MGAT5B: variants seen among roughly 807,000 people sequenced by gnomAD.
MGAT5B encodes the protein alpha-1,6-mannosylglycoprotein 6-beta-N-acetylglucosaminyltransferase B.
A neutral mutation model predicts 95.1 loss-of-function variants in MGAT5B; 54 were observed. The ratio of observed to expected loss-of-function variants is 0.57; its 90% CI spans 0.46 to 0.71. MGAT5B has a LOEUF of 0.71. MGAT5B is among the 30% of genes least tolerant of loss of function. The pLI, the probability that MGAT5B is intolerant of heterozygous loss-of-function variation, is 0.00. For missense variants in MGAT5B, 935 were observed against 1,088.6 expected (o/e 0.86, Z 1.99); for synonymous variants, 464 against 451.0 (o/e 1.03, Z -0.36).
In MGAT5B at chr17:76,905,318, G is replaced by C. The variant is rs1409896410; in HGVS notation, c.840G>C (p.Gln280His). 2.5e-6 allele frequency: 4 copies of C among 1,595,634 alleles called. No individual in the cohort carries two copies. The highest frequency in any genetic ancestry group is 2.2e-5 in the South Asian group (2 of 90,298). The stretch of plus-strand genomic sequence containing the variant: ...TGGCACAGAAGCTGGGGGCCACCCA[G>C]AGGGACCAGAAGCAGGTGCGTGGCC... ...QRLAQKLGAT[Q>H]RDQKQILVHI... Residue 280 changes from glutamine (Q) to histidine (H), a missense_variant, in exon 7 of 18, where the codon CAG becomes CAC. Around this residue, in one of 4 missense-constraint regions of MGAT5B, gnomAD observed 243 missense variants for 305.5 expected, o/e 0.80. Coordinates refer to ENST00000569840, the MANE Select transcript of MGAT5B (RefSeq NM_001199172.2). The surrounding 1 kb of genome is among the most constrained non-coding windows in gnomAD (Gnocchi z 4.2).
At position 76,938,624 on chromosome 17, in the gene MGAT5B, G is replaced by C. The variant is rs1042308738; in HGVS notation, c.1584+481G>C. Among the ~76,000 whole-genome samples, 3 of 152,170 alleles carry C rather than the reference G, an allele frequency of 2.0e-5. No individual in the cohort carries two copies. The highest frequency in any genetic ancestry group is 7.2e-5 in the African/African-American group (3 of 41,426). ...TGACACAGTGGGCAAAACCCTGACTGGACCCTGGAGTATCAGCTGAGGCTG... is the reference window on the plus strand; with the variant it reads ...TGACACAGTGGGCAAAACCCTGACTCGACCCTGGAGTATCAGCTGAGGCTG... On this transcript the variant is annotated intron_variant, in intron 13 of 17. Transcript: ENST00000569840. The surrounding 1 kb of genome is among the most constrained non-coding windows in gnomAD (Gnocchi z 4.3).
In MGAT5B at chr17:76,869,323, T is replaced by C. The variant is rs1387705552; in HGVS notation, c.68+226T>C. 6.6e-6 allele frequency among the ~76,000 whole-genome samples: 1 copy of C among 151,824 alleles called. No homozygotes were observed. Among genetic ancestry groups the C allele is most frequent in the Non-Finnish European group, 1.5e-5 (1 of 67,930 alleles). ...GGGACCTGTCCCGAGTTGGGCAGGG[T>C]TGGAGAGGACTCGGGGTGCAGAGGT... is the stretch of plus-strand genomic sequence containing the variant. On this transcript the variant is annotated intron_variant, in intron 1 of 17. Coordinates refer to ENST00000569840, the MANE Select transcript of MGAT5B (RefSeq NM_001199172.2). This position sits in a 1 kb window ranked among gnomAD's most constrained non-coding sequence, Gnocchi z 7.0.
At chr17:76,902,801 G>A (rs373405500) in intron 4 of MGAT5B, 131 bp downstream of exon 4, 12 of 743,380 alleles carry the variant, frequency 1.6e-5, no homozygotes, top group Non-Finnish European at 2.0e-5. Context: ...CTGGCTCTTC[G>A]GGGCCCCAGT....
intron 12 of MGAT5B, among the ~76,000 whole-genome samples, chr17:76,935,087 T>C (rs1463955969): frequency 6.6e-6 from 1 of 152,124 alleles, no homozygotes; most frequent in Non-Finnish European, 1.5e-5. Flanking sequence ...AGGTGCTATT[T>C]TAGTAGAGTG....
intron 15 of MGAT5B, among the ~76,000 whole-genome samples, chr17:76,942,394 G>A (rs1273205800): frequency 1.3e-5 from 2 of 152,182 alleles, no homozygotes; most frequent in African/African-American, 2.4e-5. Context: ...TTAGACAGGC[G>A]TGGTGGCACA....
intron 12 of MGAT5B, among the ~76,000 whole-genome samples, chr17:76,935,502 G>A (rs565085936): frequency 1.8e-4 from 24 of 135,794 alleles, no homozygotes; most frequent in Middle Eastern, 4.0e-3. Flanking sequence ...AATTTCAGCC[G>A]TTCTAACAGG....
intron 3 of MGAT5B, among the ~76,000 whole-genome samples, chr17:76,886,958 C>T (rs1004448317): frequency 6.6e-6 from 1 of 152,122 alleles, no homozygotes; most frequent in African/African-American, 2.4e-5. Context: ...GCAGGAGAAT[C>T]GCTTGAAGCT....
Position 76,937,679 on chromosome 17 carries a change from G to A in MGAT5B, c.1429-309G>A, listed in dbSNP as rs545645675. 5.3e-5 allele frequency among the ~76,000 whole-genome samples: 8 copies of A among 152,256 alleles called. No individual in the cohort carries two copies. The South Asian group carries it at 1.7e-3, about 32-fold the overall frequency. On this transcript the variant is annotated intron_variant, in intron 12 of 17. Transcript: ENST00000569840. ...TCAGAGGAGCTTAGAGGTCATTAGG[G>A]GTTCAGCAGATGCCAAGTGGCACCA...
At chr17:76,922,283 G>A (rs1328415054) in intron 8 of MGAT5B, among the ~76,000 whole-genome samples, 1 of 152,178 alleles carries the variant, frequency 6.6e-6, no homozygotes, top group Admixed American at 6.5e-5. Context: ...AATTTTACTA[G>A]ACCCAGATTC....
chr17:76,873,487 G>C (rs1967077835), intron 2 of MGAT5B, among the ~76,000 whole-genome samples: 1 of 152,244 alleles, frequency 6.6e-6, no homozygotes, highest in African/African-American at 2.4e-5. Context: ...GTGGGTCTGG[G>C]CTTGCATCCT....
intron 3 of MGAT5B, among the ~76,000 whole-genome samples, chr17:76,901,254 C>T (rs1163826923): frequency 2.0e-5 from 3 of 152,060 alleles, no homozygotes; most frequent in Non-Finnish European, 2.9e-5. Context: ...CAGACCCGAA[C>T]GGAGCCCAGG....
chr17:76,889,975 G>A lies in MGAT5B; in HGVS notation c.329+7677G>A, dbSNP rs1339730035. ...GAATGTCCCCAGCTTTTCTGTTGAA[G>A]GCAGGGCGGGACCAGAGACCTTCAC... On this transcript the variant is annotated intron_variant, in intron 3 of 17. Transcript: ENST00000569840. The surrounding 1 kb of genome is among the most constrained non-coding windows in gnomAD (Gnocchi z 4.4). 6.6e-6 allele frequency among the ~76,000 whole-genome samples: 1 copy of A among 152,242 alleles called. No homozygotes were observed. The highest frequency in any genetic ancestry group is 1.5e-5 in the Non-Finnish European group (1 of 68,046).
chr17:76,942,166 G>C (rs1969881557), intron 15 of MGAT5B, among the ~76,000 whole-genome samples: 1 of 152,236 alleles, frequency 6.6e-6, no homozygotes, highest in Admixed American at 6.5e-5. Context: ...TCCCTTGCTA[G>C]CTCTCAACGC....
chr17:76,878,654 T>G (rs571955325), intron 2 of MGAT5B, among the ~76,000 whole-genome samples: 2 of 152,218 alleles, frequency 1.3e-5, no homozygotes, highest in South Asian at 4.2e-4. Flanking sequence ...TTTGTATTTT[T>G]TATTGAAAAG....
chr17:76,872,893 G>A lies in MGAT5B; in HGVS notation c.111G>A (p.Leu37=), dbSNP rs1372168172. ...TCGGCTTCTTCACTCTCTGCTTCCT[G>A]ATGACGTCTCTGGGAGGCCAGTTCT... The part of the protein sequence containing the change: ...LGIGFFTLCF[L]MTSLGGQFSA... Residue 37 remains leucine, a synonymous_variant, in exon 2 of 18, where the codon CTG becomes CTA. Transcript: ENST00000569840. 2 of 1,614,190 alleles carry A rather than the reference G, an allele frequency of 1.2e-6. No individual in the cohort carries two copies. Among genetic ancestry groups the A allele is most frequent in the Non-Finnish European group, 8.5e-7 (1 of 1,180,044 alleles).
chr17:76,908,251 T>C (rs1968605073), intron 8 of MGAT5B, among the ~76,000 whole-genome samples: 1 of 150,382 alleles, frequency 6.6e-6, no homozygotes, highest in South Asian at 2.1e-4. Flanking sequence ...CTTTCTTTTT[T>C]TCCTTTCTTT....
In MGAT5B at chr17:76,946,437, A is replaced by G. The variant is rs767519141; in HGVS notation, c.1910A>G (p.Tyr637Cys). ...CEGMLERIHA[Y>C]IQHQDFCRAP... Reference sequence around the variant, plus strand: ...GGGATGCTGGAGCGGATCCACGCCTACATCCAGCACCAGGTCAGTGAGCCC... The same window carrying G: ...GGGATGCTGGAGCGGATCCACGCCTGCATCCAGCACCAGGTCAGTGAGCCC... The change falls in exon 16 of 18, where the codon TAC (tyrosine) becomes TGC (cysteine). Residue 637 changes from tyrosine (Y) to cysteine (C), a missense_variant. Tyr to Cys is a radical substitution (Grantham distance 194, BLOSUM62 -2). This residue lies in a region of MGAT5B where 440 missense variants were observed against 523.6 expected (regional missense o/e 0.84). Transcript: ENST00000569840. 1.3e-6 allele frequency: 2 copies of G among 1,595,274 alleles called. No individual in the cohort carries two copies. The highest frequency in any genetic ancestry group is 8.5e-7 in the Non-Finnish European group (1 of 1,170,256).
chr17:76,938,250 C>A lies in MGAT5B; in HGVS notation c.1584+107C>A, dbSNP rs1969740588. On this transcript the variant is annotated intron_variant, in intron 13 of 17. Transcript: ENST00000569840. This position sits in a 1 kb window ranked among gnomAD's most constrained non-coding sequence, Gnocchi z 4.3. ...CAGGCCCCTTCCACATATGGACATA[C>A]CCCAGCATGCTCTGCTGCCCTGAGC... 6 of 1,399,586 alleles carry A rather than the reference C, an allele frequency of 4.3e-6. No individual in the cohort carries two copies. The highest frequency in any genetic ancestry group is 5.9e-6 in the Non-Finnish European group (6 of 1,019,474). 86.7% of individuals were successfully genotyped at this position (1,399,586 alleles called of 1,614,324 possible). A position where few individuals can be genotyped will look rare whatever the true frequency, so the allele number is the denominator to read the frequency against.
At chr17:76,921,538 G>A (rs931548428) in intron 8 of MGAT5B, among the ~76,000 whole-genome samples, 5 of 152,140 alleles carry the variant, frequency 3.3e-5, no homozygotes, top group Non-Finnish European at 5.9e-5. Flanking sequence ...AGCGGGTCCT[G>A]CATCAGGTGG....
Sources: gnomAD v4.1 joint callset for allele counts (sites outside exome capture counted in the v4.1 genomes callset) on GRCh38, gnomAD v4.1.1 for gene constraint, gnomAD v4.1.1 regional missense constraint, Gnocchi (gnomAD v3.1) non-coding constraint, MANE v1.5 for transcripts, NCBI Gene and HGNC (gene_info 2026-07-23, HGNC 2026-07-21) for gene names.